Variants in FUBP1 observed in about 807,000 individuals in gnomAD.
FUBP1 encodes far upstream element-binding protein 1.
In FUBP1, 16 loss-of-function variants were observed where a neutral mutation model predicts 94.9. The ratio of observed to expected loss-of-function variants is 0.17; its 90% CI spans 0.11 to 0.26. The LOEUF (loss-of-function observed/expected upper bound fraction) is 0.26, where lower values mean the gene tolerates loss of function less well. FUBP1 is among the 10% of genes least tolerant of loss of function. The pLI is 1.00. For synonymous variants in FUBP1, 279 were observed against 254.9 expected (o/e 1.09, Z -0.90); for missense variants, 583 against 808.6 (o/e 0.72, Z 3.38).
At chr1:77,968,491 G>A (rs1163669416) in intron 2 of FUBP1, among the ~76,000 whole-genome samples, 1 of 151,766 alleles carries the variant, frequency 6.6e-6, no homozygotes, top group African/African-American at 2.4e-5. Flanking sequence ...ACAAGACAAC[G>A]TACTTTAGGT....
chr1:77,949,445 A>AC (rs1321491057), intron 18 of FUBP1, 145 bp from the exon 19 acceptor site: 1 of 609,052 alleles, frequency 1.6e-6, no homozygotes, highest in East Asian at 2.7e-5. Flanking sequence ...CAAAAAAAAA[A>AC]ACCCCTAAAC....
intron 10 of FUBP1, 29 bp downstream of exon 10, chr1:77,964,617 A>T: frequency 8.4e-7 from 1 of 1,188,664 alleles, no homozygotes; most frequent in Non-Finnish European, 1.3e-6. Context: ...TTAGCATACA[A>T]CCATTTCTGA....
In FUBP1 at chr1:77,944,281, AT is replaced by A; in HGVS notation, c.*4484del. ...CACACGGGTAGTTTCTGTAGAGAAC[AT>A]TTTTCTCAGGACGAAAATGCATCGA... On this transcript the variant is annotated 3_prime_UTR_variant, in exon 20 of 20. Transcript: ENST00000370768. 5.0e-6 allele frequency: 1 copy of A among 199,948 alleles called. No homozygotes were observed. The highest frequency in any genetic ancestry group is 1.0e-5 in the Non-Finnish European group (1 of 96,482). The allele number at this position is 199,948 out of a possible 1,614,324, so 12.4% of individuals were successfully genotyped here.
intron 1 of FUBP1, among the ~76,000 whole-genome samples, chr1:77,977,097 T>C (rs1658748625): frequency 6.6e-6 from 1 of 152,232 alleles, no homozygotes; most frequent in Non-Finnish European, 1.5e-5. Flanking sequence ...TAAATATCCA[T>C]ATTTTGTCTG....
intron 16 of FUBP1, 76 bp downstream of exon 16, chr1:77,960,108 C>T: frequency 9.5e-7 from 1 of 1,053,520 alleles, no homozygotes. Flanking sequence ...AATGTAGAAT[C>T]AACACTAGAA....
chr1:77,969,456 TAA>T (rs368430326), intron 2 of FUBP1, among the ~76,000 whole-genome samples: 2 of 148,120 alleles, frequency 1.4e-5, no homozygotes, highest in African/African-American at 4.9e-5. Flanking sequence ...TAAAGAACAT[TAA>T]AAAAAAAATG....
intron 1 of FUBP1, among the ~76,000 whole-genome samples, chr1:77,973,082 A>G (rs891841581): frequency 6.6e-6 from 1 of 152,028 alleles, no homozygotes; most frequent in Non-Finnish European, 1.5e-5. Flanking sequence ...TCTATAGAAA[A>G]TACACAATTC....
intron 6 of FUBP1, 49 bp downstream of exon 6, chr1:77,966,835 A>G: frequency 7.5e-7 from 1 of 1,337,220 alleles, no homozygotes. Context: ...AAAAAAAAAA[A>G]AGCTAGTTTT....
chr1:77,951,494 C>T (rs1653456180), intron 18 of FUBP1, among the ~76,000 whole-genome samples: 1 of 152,150 alleles, frequency 6.6e-6, no homozygotes, highest in South Asian at 2.1e-4. Flanking sequence ...TTTCCCTGCC[C>T]CTTCAGACAT....
intron 18 of FUBP1, among the ~76,000 whole-genome samples, chr1:77,950,637 A>C (rs1250558267): frequency 6.6e-6 from 1 of 152,158 alleles, no homozygotes; most frequent in Non-Finnish European, 1.5e-5. Context: ...AAAAATTGAG[A>C]AGAGAGAGTA....
chr1:77,967,498 G>T, intron 4 of FUBP1, 129 bp downstream of exon 4: 1 of 652,836 alleles, frequency 1.5e-6, no homozygotes, highest in Non-Finnish European at 2.6e-6. Flanking sequence ...CTTCCCAAGG[G>T]GAGTGATATG....
intron 16 of FUBP1, 81 bp from the exon 17 acceptor site, chr1:77,956,781 G>T: frequency 3.0e-6 from 3 of 994,556 alleles, no homozygotes; most frequent in Non-Finnish European, 2.9e-6. Flanking sequence ...CCCCCGCCCA[G>T]CTCTCTGGCA....
At chr1:77,965,764 T>C (rs1656350698) in intron 7 of FUBP1, among the ~76,000 whole-genome samples, 1 of 152,024 alleles carries the variant, frequency 6.6e-6, no homozygotes, top group Admixed American at 6.6e-5. Flanking sequence ...ATAAAGAAAA[T>C]CAGGCTGGGG....
Position 77,944,901 on chromosome 1 carries a change from TAGA to T in FUBP1, c.*3862_*3864del, listed in dbSNP as rs767850261. Among the ~76,000 whole-genome samples, 84 of 152,042 alleles carry T rather than the reference TAGA, an allele frequency of 5.5e-4. 1 individual carries two copies. In the Middle Eastern group the frequency reaches 0.01, roughly 18 times the overall value. ...CATTTCTAAAAGAAACATCAAACCA[TAGA>T]ATTCTAAGTATCACCACACTAAGCT... is the stretch of plus-strand genomic sequence containing the variant. On this transcript the variant is annotated 3_prime_UTR_variant, in exon 20 of 20. Transcript: ENST00000370768.
In FUBP1 at chr1:77,944,871, C is replaced by T. The variant is rs971449937; in HGVS notation, c.*3895G>A. On this transcript the variant is annotated 3_prime_UTR_variant, in exon 20 of 20. Coordinates refer to ENST00000370768, the MANE Select transcript of FUBP1 (RefSeq NM_003902.5). ...TTTTATATTAAAAAATAAAACTATA[C>T]TTCTCATTTCTAAAAGAAACATCAA... Among the ~76,000 whole-genome samples, 3 of 151,800 alleles carry T rather than the reference C, an allele frequency of 2.0e-5. No individual in the cohort carries two copies. Among genetic ancestry groups the T allele is most frequent in the African/African-American group, 7.3e-5 (3 of 41,366 alleles).
At chr1:77,970,104 T>C (rs1324070758) in intron 1 of FUBP1, 89 bp from the exon 2 acceptor site, 3 of 561,216 alleles carry the variant, frequency 5.3e-6, no homozygotes, top group Non-Finnish European at 6.1e-6. Flanking sequence ...TACATGTATA[T>C]GTGAAATATT....
chr1:77,970,322 T>C (rs1657287232), intron 1 of FUBP1, among the ~76,000 whole-genome samples: 1 of 151,628 alleles, frequency 6.6e-6, no homozygotes, highest in Non-Finnish European at 1.5e-5. Flanking sequence ...GGCTCTGTCA[T>C]GACACTTCAA....
At chr1:77,956,804 C>A in intron 16 of FUBP1, 104 bp from the exon 17 acceptor site, 1 of 641,064 alleles carries the variant, frequency 1.6e-6, no homozygotes, top group South Asian at 3.8e-5. Context: ...TATACAGCCC[C>A]CAAAATTAAC....
rs35489563 is a variant in FUBP1 at position 77,966,975 on chromosome 1, T to A, written c.344-20A>T. 9.7e-4 allele frequency: 1,055 copies of A among 1,089,434 alleles called. No homozygotes were observed. Among genetic ancestry groups the A allele is most frequent in the Admixed American group, 1.2e-3 (39 of 31,730 alleles). The allele number at this position is 1,089,434 out of a possible 1,614,324, so 67.5% of individuals were successfully genotyped here. ...CAATTACTAGTTAGAAAAAAAAAAA[T>A]TTTTTTTTTGGTTGAAAGATTCTAA... On this transcript the variant is annotated intron_variant, in intron 5 of 19. Coordinates refer to ENST00000370768, the MANE Select transcript of FUBP1 (RefSeq NM_003902.5).
Sources: allele counts gnomAD v4.1 joint callset (sites outside exome capture counted in the v4.1 genomes callset), GRCh38; gene constraint gnomAD v4.1.1; transcripts MANE v1.5; gene names NCBI Gene and HGNC (gene_info 2026-07-23, HGNC 2026-07-21).